LCLAT1: variants seen among roughly 807,000 people sequenced by gnomAD.
LCLAT1 encodes the protein lysocardiolipin acyltransferase 1, also known as 1-AGP acyltransferase 8.
LCLAT1 carries 11 observed loss-of-function variants against 30.7 expected under a neutral mutation model. The ratio of observed to expected loss-of-function variants is 0.36; its 90% CI spans 0.23 to 0.59. LCLAT1 has a LOEUF of 0.59. Among genes scored for constraint, LCLAT1 ranks in the 20% least tolerant of loss-of-function variants. The pLI is 0.77. For synonymous variants in LCLAT1, 155 were observed against 151.3 expected (o/e 1.02, Z -0.18); for missense variants, 402 against 458.6 (o/e 0.88, Z 1.13).
At chr2:30,576,533 C>T (rs1194559795) in intron 5 of LCLAT1, among the ~76,000 whole-genome samples, 1 of 152,024 alleles carries the variant, frequency 6.6e-6, no homozygotes, top group Non-Finnish European at 1.5e-5. Flanking sequence ...CCTTCCTGTT[C>T]ATATGAAAAT....
rs1052899269 is a variant in LCLAT1 at position 30,447,321 on chromosome 2, A to T, written c.-67A>T. 1 of 152,022 alleles carries T rather than the reference A, an allele frequency of 6.6e-6. No individual in the cohort carries two copies. Among genetic ancestry groups the T allele is most frequent in the East Asian group, 2.0e-4 (1 of 5,068 alleles). The allele number at this position is 152,022 out of a possible 1,614,324, so 9.4% of individuals were successfully genotyped here. Reference sequence around the variant, plus strand: ...GTTCCGCACGGAGGTTGTGACCCCTACGGAGCCCCAGCTTGCCCACGCACC... The same window carrying T: ...GTTCCGCACGGAGGTTGTGACCCCTTCGGAGCCCCAGCTTGCCCACGCACC... On this transcript the variant is annotated 5_prime_UTR_variant, in exon 1 of 6. Coordinates refer to ENST00000379509, the MANE Select transcript of LCLAT1 (RefSeq NM_001002257.3).
intron 1 of LCLAT1, among the ~76,000 whole-genome samples, chr2:30,487,147 G>A (rs1210791579): frequency 6.6e-6 from 1 of 152,194 alleles, no homozygotes; most frequent in Non-Finnish European, 1.5e-5. Context: ...ATAGATGGTA[G>A]ACCTTTGGAA....
intron 3 of LCLAT1, among the ~76,000 whole-genome samples, chr2:30,546,945 A>G (rs1190316327): frequency 6.6e-6 from 1 of 152,052 alleles, no homozygotes; most frequent in Non-Finnish European, 1.5e-5. Flanking sequence ...ATGTATTAAG[A>G]TGAATAGATT....
intron 1 of LCLAT1, among the ~76,000 whole-genome samples, chr2:30,507,662 A>G (rs566082783): frequency 6.6e-6 from 1 of 152,282 alleles, no homozygotes; most frequent in African/African-American, 2.4e-5. Context: ...TTATGGCTGC[A>G]TAGTATTCCC....
At chr2:30,512,183 GT>G in intron 1 of LCLAT1, among the ~76,000 whole-genome samples, 1 of 151,804 alleles carries the variant, frequency 6.6e-6, no homozygotes, top group South Asian at 2.1e-4. Flanking sequence ...TTTGTTTTTA[GT>G]TTTTTGGAAT....
intron 2 of LCLAT1, among the ~76,000 whole-genome samples, chr2:30,530,578 A>T (rs563533845): frequency 4.6e-5 from 7 of 152,194 alleles, no homozygotes; most frequent in African/African-American, 1.4e-4. Flanking sequence ...TGGAGACTAC[A>T]TTCTCTTGCC....
At chr2:30,508,444 T>G (rs1684778259) in intron 1 of LCLAT1, among the ~76,000 whole-genome samples, 1 of 152,184 alleles carries the variant, frequency 6.6e-6, no homozygotes, top group South Asian at 2.1e-4. Flanking sequence ...AGATGATTTT[T>G]TGTATATCGT....
intron 1 of LCLAT1, among the ~76,000 whole-genome samples, chr2:30,488,716 C>T (rs1166057719): frequency 6.6e-6 from 1 of 152,216 alleles, no homozygotes; most frequent in Non-Finnish European, 1.5e-5. Context: ...TCCCTAGACA[C>T]TGAGAATTGT....
chr2:30,513,057 A>G (rs1205869729), intron 1 of LCLAT1, among the ~76,000 whole-genome samples: 2 of 152,168 alleles, frequency 1.3e-5, no homozygotes, highest in Non-Finnish European at 2.9e-5. Context: ...ATAGAAAAAT[A>G]CATTTGTATC....
intron 3 of LCLAT1, among the ~76,000 whole-genome samples, chr2:30,538,307 TA>T (rs1223203556): frequency 1.3e-5 from 2 of 152,050 alleles, no homozygotes; most frequent in Middle Eastern, 3.4e-3. Context: ...GAAAGATAAA[TA>T]AAACTGATAA....
chr2:30,570,492 G>A (rs1174725450), intron 5 of LCLAT1, among the ~76,000 whole-genome samples: 1 of 152,116 alleles, frequency 6.6e-6, no homozygotes, highest in Non-Finnish European at 1.5e-5. Context: ...CACAACAACT[G>A]TACATGGTAG....
At chr2:30,531,486 T>C (rs535111098) in intron 2 of LCLAT1, among the ~76,000 whole-genome samples, 1 of 152,286 alleles carries the variant, frequency 6.6e-6, no homozygotes, top group Non-Finnish European at 1.5e-5. Context: ...CATTGACATA[T>C]CTTTATATAC....
rs886560103 is a variant in LCLAT1, at chr2:30,642,233, A to T, written c.*1614A>T. 8 of 152,106 alleles carry T rather than the reference A, an allele frequency of 5.3e-5. No individual in the cohort carries two copies. Among genetic ancestry groups the T allele is most frequent in the African/African-American group, 1.9e-4 (8 of 41,416 alleles). The allele number at this position is 152,106 out of a possible 1,614,324, so 9.4% of individuals were successfully genotyped here. On this transcript the variant is annotated 3_prime_UTR_variant, in exon 6 of 6. Coordinates refer to ENST00000379509, the MANE Select transcript of LCLAT1 (RefSeq NM_001002257.3). ...CTGTTGACACATCATTTTTATTGGAAGAGTATTAACTGGTGCCTCTTCTGA... is the reference window on the plus strand; with the variant it reads ...CTGTTGACACATCATTTTTATTGGATGAGTATTAACTGGTGCCTCTTCTGA...
chr2:30,621,952 A>T (rs2148517221), intron 5 of LCLAT1, among the ~76,000 whole-genome samples: 1 of 152,310 alleles, frequency 6.6e-6, no homozygotes, highest in East Asian at 1.9e-4. Flanking sequence ...ATCACAGAAG[A>T]TGCGGCAGGC....
chr2:30,450,516 A>AT (rs60511388), intron 1 of LCLAT1, among the ~76,000 whole-genome samples: 1 of 152,144 alleles, frequency 6.6e-6, no homozygotes, highest in African/African-American at 2.4e-5. Context: ...GGGTGTTAGA[A>AT]TTTTTTTCTT....
chr2:30,602,400 G>T (rs1303564633), intron 5 of LCLAT1, among the ~76,000 whole-genome samples: 4 of 152,112 alleles, frequency 2.6e-5, no homozygotes, highest in Non-Finnish European at 5.9e-5. Flanking sequence ...AGAGAACTTT[G>T]AGAAATTTTC....
chr2:30,500,129 G>C (rs1168533098), intron 1 of LCLAT1, among the ~76,000 whole-genome samples: 3 of 152,134 alleles, frequency 2.0e-5, no homozygotes, highest in Non-Finnish European at 4.4e-5. Flanking sequence ...ATGGTTGATA[G>C]AATTCAATCA....
chr2:30,494,738 T>G (rs1247766536), intron 1 of LCLAT1, among the ~76,000 whole-genome samples: 7 of 151,968 alleles, frequency 4.6e-5, no homozygotes, highest in African/African-American at 1.7e-4. Flanking sequence ...ATGCCATGTC[T>G]TCTTAATTTC....
intron 5 of LCLAT1, chr2:30,606,020 G>A (rs1667427757): frequency 7.7e-7 from 1 of 1,298,578 alleles, no homozygotes. Context: ...GATCAGGCAG[G>A]AGGCAGAGCG....
Sources: allele counts gnomAD v4.1 joint callset (sites outside exome capture counted in the v4.1 genomes callset), GRCh38; gene constraint gnomAD v4.1.1; transcripts MANE v1.5; gene names NCBI Gene and HGNC (gene_info 2026-07-23, HGNC 2026-07-21).